CNTN5: variants seen among roughly 807,000 people sequenced by gnomAD.
CNTN5 encodes contactin 5.
A neutral mutation model predicts 129.1 loss-of-function variants in CNTN5; 77 were observed. The observed-to-expected ratio is 0.60, with a 90% CI of 0.50 to 0.72. The LOEUF (loss-of-function observed/expected upper bound fraction) is 0.72, where lower values mean the gene tolerates loss of function less well. Ranked by LOEUF, CNTN5 falls within the 30% of genes least tolerant of loss-of-function variation. CNTN5 has a pLI of 0.00. For synonymous variants in CNTN5, 509 were observed against 465.6 expected, an observed-to-expected ratio of 1.09 and a Z score of -1.20; for missense variants, 1,478 against 1,328.8, an observed-to-expected ratio of 1.11 and a Z score of -1.75.
chr11:99,209,237 TC>T (rs60003770), intron 1 of CNTN5, among the ~76,000 whole-genome samples: 2,109 of 152,190 alleles, frequency 0.014, 40 homozygotes, highest in African/African-American at 0.047. Flanking sequence ...GTTAGGCCAT[TC>T]TTGCCTTGCT....
intron 2 of CNTN5, among the ~76,000 whole-genome samples, chr11:99,488,331 G>A (rs777566514): frequency 4.0e-5 from 6 of 150,088 alleles, no homozygotes; most frequent in Non-Finnish European, 8.9e-5. Context: ...CACCACCATG[G>A]CCGGCTAATT....
rs1243867699 is a variant in CNTN5 at position 99,467,178 on chromosome 11, CTG to C, written c.-70-88966_-70-88965del. ...TTTATGTTTAAAACATAAAAACAAA[CTG>C]ATATAAAACAAAACTTTAATATAGT... is the stretch of plus-strand genomic sequence containing the variant. On this transcript the variant is annotated intron_variant, in intron 2 of 24. Coordinates refer to ENST00000524871, the MANE Select transcript of CNTN5 (RefSeq NM_014361.4). 3.3e-5 allele frequency among the ~76,000 whole-genome samples: 5 copies of C among 152,072 alleles called. No homozygotes were observed. In the East Asian group the frequency reaches 7.8e-4, roughly 24 times the overall value.
chr11:99,087,952 G>A (rs1312510535), intron 1 of CNTN5, among the ~76,000 whole-genome samples: 4 of 152,146 alleles, frequency 2.6e-5, no homozygotes, highest in Admixed American at 2.6e-4. Flanking sequence ...ATGCTATGCT[G>A]TCACTGTCTT....
At chr11:99,400,492 A>G (rs1941747352) in intron 2 of CNTN5, among the ~76,000 whole-genome samples, 1 of 152,092 alleles carries the variant, frequency 6.6e-6, no homozygotes, top group African/African-American at 2.4e-5. Context: ...ACTTAGGCTT[A>G]ATCCAATCAT....
intron 2 of CNTN5, among the ~76,000 whole-genome samples, chr11:99,330,094 G>C (rs1203583370): frequency 6.8e-6 from 1 of 146,162 alleles, no homozygotes; most frequent in Non-Finnish European, 1.5e-5. Flanking sequence ...AAAAAAAAAA[G>C]GAAAAGAAGT....
chr11:100,039,668 C>A (rs2137667030), intron 9 of CNTN5, among the ~76,000 whole-genome samples: 1 of 152,232 alleles, frequency 6.6e-6, no homozygotes, highest in African/African-American at 2.4e-5. Flanking sequence ...TTGTTTGTTT[C>A]TTTTTGTTCT....
chr11:99,622,281 T>C (rs1393760064), intron 3 of CNTN5, among the ~76,000 whole-genome samples: 2 of 152,182 alleles, frequency 1.3e-5, no homozygotes, highest in African/African-American at 4.8e-5. Context: ...AACACGTGGC[T>C]GTCTTAAATG....
chr11:99,830,476 C>T (rs1947105070), intron 4 of CNTN5, among the ~76,000 whole-genome samples: 1 of 152,054 alleles, frequency 6.6e-6, no homozygotes, highest in Non-Finnish European at 1.5e-5. Context: ...CTCAAAGCAA[C>T]CCCTTTGGTG....
intron 1 of CNTN5, among the ~76,000 whole-genome samples, chr11:99,027,660 T>G (rs1476240686): frequency 6.6e-6 from 1 of 151,708 alleles, no homozygotes; most frequent in East Asian, 1.9e-4. Flanking sequence ...TAAAAATTCC[T>G]CAGTAGAACT....
chr11:99,659,822 A>G (rs1170896759), intron 3 of CNTN5, among the ~76,000 whole-genome samples: 1 of 152,196 alleles, frequency 6.6e-6, no homozygotes. Context: ...GTAATGACAT[A>G]TTTGACCAAA....
At chr11:99,363,429 A>G (rs1455368449) in intron 2 of CNTN5, among the ~76,000 whole-genome samples, 1 of 152,124 alleles carries the variant, frequency 6.6e-6, no homozygotes, top group African/African-American at 2.4e-5. Context: ...ATGTTACAAT[A>G]CCAAGTTTAT....
At chr11:99,557,724 C>A (rs1948718909) in intron 3 of CNTN5, among the ~76,000 whole-genome samples, 1 of 150,780 alleles carries the variant, frequency 6.6e-6, no homozygotes, top group African/African-American at 2.4e-5. Flanking sequence ...TTCTTTATAA[C>A]TGAAAAGGCA....
chr11:99,660,035 A>G (rs565310971), intron 3 of CNTN5, among the ~76,000 whole-genome samples: 1 of 152,276 alleles, frequency 6.6e-6, no homozygotes, highest in Non-Finnish European at 1.5e-5. Context: ...CAAATTGGTT[A>G]CCAGTATGCA....
intron 3 of CNTN5, among the ~76,000 whole-genome samples, chr11:99,556,581 ATATATATATAT>A (rs1307932117): frequency 7.5e-6 from 1 of 132,924 alleles, no homozygotes. Context: ...ATATATATAT[ATATATATATAT>A]ATCTCCCACA....
intron 3 of CNTN5, among the ~76,000 whole-genome samples, chr11:99,701,912 A>G (rs1954538371): frequency 6.6e-6 from 1 of 150,962 alleles, no homozygotes. Flanking sequence ...ATTTCTTCAT[A>G]CAGTTATGTC....
chr11:99,385,565 A>G (rs895303172), intron 2 of CNTN5, among the ~76,000 whole-genome samples: 8 of 152,256 alleles, frequency 5.3e-5, no homozygotes, highest in African/African-American at 1.9e-4. Flanking sequence ...TGTAATCAAT[A>G]AAGTATGACA....
chr11:99,622,664 A>G (rs181869552), intron 3 of CNTN5, among the ~76,000 whole-genome samples: 11 of 152,232 alleles, frequency 7.2e-5, no homozygotes, highest in Non-Finnish European at 1.6e-4. Context: ...ATGCTAATTA[A>G]CAGAGATGGT....
chr11:99,766,279 C>T (rs937690165), intron 3 of CNTN5, among the ~76,000 whole-genome samples: 2 of 151,804 alleles, frequency 1.3e-5, no homozygotes, highest in Admixed American at 6.6e-5. Context: ...CTTCACTGTC[C>T]CAAGCACAGA....
chr11:99,695,173 A>G (rs1954216580), intron 3 of CNTN5, among the ~76,000 whole-genome samples: 2 of 152,076 alleles, frequency 1.3e-5, no homozygotes, highest in South Asian at 4.1e-4. Flanking sequence ...TATGGAAAAT[A>G]AGTAGATCAT....
Sources: gnomAD v4.1 joint callset for allele counts (sites outside exome capture counted in the v4.1 genomes callset) on GRCh38, gnomAD v4.1.1 for gene constraint, MANE v1.5 for transcripts, NCBI Gene and HGNC (gene_info 2026-07-23, HGNC 2026-07-21) for gene names.